BOLL: variants seen among roughly 807,000 people sequenced by gnomAD.
The protein encoded by BOLL is protein boule-like.
BOLL carries 23 observed loss-of-function variants against 44.4 expected under a neutral mutation model. The observed-to-expected ratio is 0.52, with a 90% CI of 0.37 to 0.73. BOLL has a LOEUF of 0.73. BOLL is among the 30% of genes least tolerant of loss of function. The probability of loss-of-function intolerance (pLI) is 0.00; values close to 1 mark genes in which losing one functional copy is unlikely to be tolerated. For missense variants in BOLL, 287 were observed against 338.3 expected (o/e 0.85, Z 1.19); for synonymous variants, 97 against 110.8 (o/e 0.88, Z 0.78).
chr2:197,733,659 A>G (rs1013251540), intron 10 of BOLL, among the ~76,000 whole-genome samples: 27 of 152,274 alleles, frequency 1.8e-4, no homozygotes, highest in African/African-American at 3.6e-4. Context: ...ATAATGCCAC[A>G]TATCTACAAC....
chr2:197,730,645 T>G (rs1459309623), intron 10 of BOLL, among the ~76,000 whole-genome samples: 1 of 143,562 alleles, frequency 7.0e-6, no homozygotes, highest in Non-Finnish European at 1.5e-5. Flanking sequence ...CAGAAGAGAG[T>G]GGGGGCCAAT....
intron 9 of BOLL, among the ~76,000 whole-genome samples, chr2:197,744,502 A>G (rs991003915): frequency 6.6e-6 from 1 of 152,226 alleles, no homozygotes; most frequent in Non-Finnish European, 1.5e-5. Context: ...TTAGGAAGTC[A>G]TTGAGGACCT....
Position 197,777,046 on chromosome 2 carries a change from C to T in BOLL, c.276+13G>A, listed in dbSNP as rs1383159700. 1.9e-6 allele frequency: 3 copies of T among 1,553,304 alleles called. No individual in the cohort carries two copies. Among genetic ancestry groups the T allele is most frequent in the South Asian group, 1.2e-5 (1 of 83,636 alleles). ...TTTCCAGAAATGAAGTTAAATACAC[C>T]AAAAGATCATACCTCTTGTAAAATT... On this transcript the variant is annotated intron_variant, in intron 4 of 10. Transcript: ENST00000392296.
intron 9 of BOLL, among the ~76,000 whole-genome samples, chr2:197,754,601 C>G (rs1688418470): frequency 6.6e-6 from 1 of 152,110 alleles, no homozygotes; most frequent in Admixed American, 6.5e-5. Flanking sequence ...GTAGTCCCAG[C>G]TACTCAGGAG....
chr2:197,785,897 C>A, upstream of BOLL: 1 of 1,154,524 alleles, frequency 8.7e-7, no homozygotes, highest in Non-Finnish European at 1.3e-6. The surrounding 1 kb of genome is among the most constrained non-coding windows in gnomAD (Gnocchi z 6.7). Flanking sequence ...GCCTTCACCT[C>A]GCCCCTCCAA....
rs773500620 is a variant in BOLL at position 197,781,813 on chromosome 2, A to G, written c.38T>C (p.Val13Ala). 1.9e-6 allele frequency: 3 copies of G among 1,608,456 alleles called. No individual in the cohort carries two copies. The highest frequency in any genetic ancestry group is 2.6e-6 in the Non-Finnish European group (3 of 1,176,058). The change falls in exon 2 of 11, where the codon GTG becomes GCG. Residue 13 changes from valine (V) to alanine (A), a missense_variant. Transcript: ENST00000392296. ...TDSLSPSPNP[V>A]SPVPLNNPTS... is the part of the protein sequence containing the mutation. ...TGGGTTATTCAAAGGCACAGGTGAC[A>G]CAGGATTAGGGGATGGAGATAATGA...
At chr2:197,783,873 C>A (rs1241743235) in intron 1 of BOLL, among the ~76,000 whole-genome samples, 1 of 151,998 alleles carries the variant, frequency 6.6e-6, no homozygotes, top group African/African-American at 2.4e-5. Context: ...TACCTATTTG[C>A]TAAATTTAAA....
intron 5 of BOLL, among the ~76,000 whole-genome samples, chr2:197,775,113 A>T (rs1689449170): frequency 6.6e-6 from 1 of 151,860 alleles, no homozygotes; most frequent in African/African-American, 2.4e-5. Flanking sequence ...AAGTAGAAAG[A>T]GTGAGGAAAG....
chr2:197,743,194 T>C (rs1432004641), intron 9 of BOLL, 35 bp from the exon 10 acceptor site: 3 of 1,450,272 alleles, frequency 2.1e-6, no homozygotes, highest in Non-Finnish European at 2.8e-6. Context: ...ATGTCACCTT[T>C]CATCTATTAA....
intron 1 of BOLL, among the ~76,000 whole-genome samples, chr2:197,784,034 A>G (rs762402585): frequency 4.7e-4 from 72 of 152,112 alleles, no homozygotes; most frequent in Non-Finnish European, 7.8e-4. Flanking sequence ...TCGAGAAACT[A>G]AAGGATACTC....
At position 197,728,491 on chromosome 2, in the gene BOLL, C is replaced by A; in HGVS notation, c.*64G>T. ...TCTAGCTGGTTCGTTGAAGCTGGAT[C>A]TCGGCCACGCAAGGATCATTGGACA... On this transcript the variant is annotated 3_prime_UTR_variant, in exon 11 of 11. Coordinates refer to ENST00000392296, the MANE Select transcript of BOLL (RefSeq NM_033030.6). 1 of 1,613,746 alleles carries A rather than the reference C, an allele frequency of 6.2e-7. No homozygotes were observed. The highest frequency in any genetic ancestry group is 8.5e-7 in the Non-Finnish European group (1 of 1,179,678).
chr2:197,777,519 A>C lies in BOLL; in HGVS notation c.222-406T>G, dbSNP rs77617885. Among the ~76,000 whole-genome samples, 921 of 152,022 alleles carry C rather than the reference A, an allele frequency of 6.1e-3. 16 individuals are homozygous for C. Among genetic ancestry groups the C allele is most frequent in the African/African-American group, 0.021 (861 of 41,538 alleles). On this transcript the variant is annotated intron_variant, in intron 3 of 10. Coordinates refer to ENST00000392296, the MANE Select transcript of BOLL (RefSeq NM_033030.6). ...AAAATTTAAAATTTCAACACAATAA[A>C]ATTTCTTATATTGGTGAATGACAAT...
Position 197,771,961 on chromosome 2 carries a change from G to C in BOLL, c.374C>G (p.Ala125Gly), listed in dbSNP as rs748492405. ...TGAAGTTGTTAGATACATTGTTCCA[G>C]CTGCTGGCATTATACTAGAACCTAA... ...GIPRSSIMPA[A>G]GTMYLTTSTG... Residue 125 changes from alanine to glycine, a missense_variant, in exon 6 of 11, where the codon GCT (alanine) becomes GGT (glycine). Ala to Gly is a moderately conservative substitution (Grantham distance 60). Transcript: ENST00000392296. 1.9e-6 allele frequency: 3 copies of C among 1,585,754 alleles called. No individual in the cohort carries two copies. The South Asian group carries it at 3.4e-5, about 18-fold the overall frequency.
chr2:197,737,551 G>C (rs1687551125), intron 10 of BOLL, among the ~76,000 whole-genome samples: 2 of 152,028 alleles, frequency 1.3e-5, no homozygotes, highest in South Asian at 4.1e-4. Flanking sequence ...TATATATTCA[G>C]AGCTTTTCCT....
intron 3 of BOLL, among the ~76,000 whole-genome samples, chr2:197,778,651 A>G (rs1328444796): frequency 6.6e-6 from 1 of 151,926 alleles, no homozygotes; most frequent in Non-Finnish European, 1.5e-5. Flanking sequence ...CAATTCCAAA[A>G]GAATCTGATT....
chr2:197,770,387 A>T (rs922776829), intron 6 of BOLL, among the ~76,000 whole-genome samples: 4 of 152,204 alleles, frequency 2.6e-5, no homozygotes, highest in African/African-American at 9.7e-5. Context: ...CCAAAACCAT[A>T]AAAACCCTAG....
intron 9 of BOLL, among the ~76,000 whole-genome samples, chr2:197,753,088 A>G (rs546340704): frequency 8.5e-5 from 13 of 152,346 alleles, no homozygotes; most frequent in Non-Finnish European, 1.8e-4. Flanking sequence ...TGTCGAGAAA[A>G]CTGGCTGGCC....
At chr2:197,784,435 T>C (rs1271370308) in intron 1 of BOLL, among the ~76,000 whole-genome samples, 4 of 106,244 alleles carry the variant, frequency 3.8e-5, no homozygotes, top group African/African-American at 1.1e-4. Context: ...TATATATATA[T>C]ATATATATAT....
chr2:197,775,625 T>C (rs1187972817), intron 5 of BOLL, 40 bp downstream of exon 5: 2 of 1,255,436 alleles, frequency 1.6e-6, no homozygotes, highest in Admixed American at 2.3e-5. Flanking sequence ...AAAAGAACCA[T>C]GCAAAAATAT....
Sources: allele counts gnomAD v4.1 joint callset (sites outside exome capture counted in the v4.1 genomes callset), GRCh38; gene constraint gnomAD v4.1.1; non-coding constraint Gnocchi (gnomAD v3.1); transcripts MANE v1.5; gene names NCBI Gene and HGNC (gene_info 2026-07-23, HGNC 2026-07-21).